Variants in NRG2 observed in about 807,000 individuals in gnomAD.
The protein encoded by NRG2 is neuregulin 2, also known as pro-neuregulin-2, membrane-bound isoform.
Under a neutral mutation model 73.9 loss-of-function variants are expected in NRG2, and 27 were observed. The ratio of observed to expected loss-of-function variants is 0.37; its 90% confidence interval spans 0.27 to 0.50. The LOEUF is 0.50. Ranked by LOEUF, NRG2 falls within the 20% of genes least tolerant of loss-of-function variation. The pLI is 0.96. For missense variants in NRG2, 1,126 were observed against 1,210.1 expected (o/e 0.93, Z 1.03); for synonymous variants, 532 against 541.0 (o/e 0.98, Z 0.23).
rs148224262 is a variant in NRG2, at chr5:139,855,713, C to T, written c.1255G>A (p.Val419Met). 2,228 of 1,614,080 alleles carry T rather than the reference C, an allele frequency of 1.4e-3. No homozygotes were observed. The highest frequency in any genetic ancestry group is 1.7e-3 in the Non-Finnish European group (2,018 of 1,179,980). The change falls in exon 6 of 10, where the codon GTG becomes ATG. Residue 419 changes from valine to methionine, a missense_variant. Physicochemically the swap from Val to Met is conservative, Grantham distance 21. Transcript: ENST00000361474. ...TAGGCCACCACACAGACGATGCCCA[C>T]GACCAGCAGAGCCACGCAGATGCCC... ...ITGICVALLV[V>M]GIVCVVAYCK...
At chr5:139,955,436 G>T (rs1754547509) in intron 1 of NRG2, among the ~76,000 whole-genome samples, 1 of 152,132 alleles carries the variant, frequency 6.6e-6, no homozygotes, top group Admixed American at 6.5e-5. Context: ...CTGTGGGGAG[G>T]AATAGTGAAA....
chr5:139,857,313 G>A (rs761414362), intron 5 of NRG2, among the ~76,000 whole-genome samples: 4 of 152,220 alleles, frequency 2.6e-5, no homozygotes, highest in Admixed American at 6.5e-5. Context: ...TTTGTATACC[G>A]TCTATTTGCA....
intron 1 of NRG2, among the ~76,000 whole-genome samples, chr5:139,913,191 A>T (rs923444038): frequency 1.3e-5 from 2 of 152,180 alleles, no homozygotes; most frequent in African/African-American, 4.8e-5. Flanking sequence ...GGCTGCAGGC[A>T]ACAGCATTTA....
intron 1 of NRG2, among the ~76,000 whole-genome samples, chr5:139,975,816 T>C (rs1163885745): frequency 6.6e-6 from 1 of 152,244 alleles, no homozygotes; most frequent in Non-Finnish European, 1.5e-5. Flanking sequence ...GGGCTGAACA[T>C]GCTTTTCAGC....
At chr5:139,970,208 T>C (rs890923899) in intron 1 of NRG2, among the ~76,000 whole-genome samples, 1 of 151,966 alleles carries the variant, frequency 6.6e-6, no homozygotes, top group Non-Finnish European at 1.5e-5. Context: ...AACACTGGAG[T>C]AAAACATCAA....
chr5:139,866,713 G>A (rs1219331281), intron 4 of NRG2, among the ~76,000 whole-genome samples: 1 of 152,120 alleles, frequency 6.6e-6, no homozygotes, highest in Non-Finnish European at 1.5e-5. Flanking sequence ...ATCTTGCCTT[G>A]CTTACAGCTC....
intron 1 of NRG2, among the ~76,000 whole-genome samples, chr5:139,963,326 A>G (rs1244606821): frequency 2.6e-5 from 4 of 152,198 alleles, no homozygotes; most frequent in Non-Finnish European, 4.4e-5. Flanking sequence ...CTCCTTATCT[A>G]TCCTGACACA....
intron 1 of NRG2, among the ~76,000 whole-genome samples, chr5:139,962,046 G>A (rs1755110815): frequency 1.3e-5 from 2 of 152,194 alleles, no homozygotes; most frequent in South Asian, 4.1e-4. Flanking sequence ...CGGGTGGCAG[G>A]AGGCACACAC....
intron 1 of NRG2, among the ~76,000 whole-genome samples, chr5:139,921,554 TA>T (rs34067035): frequency 1.0e-3 from 144 of 143,472 alleles, no homozygotes; most frequent in Admixed American, 7.0e-4. Context: ...CAGCTACCTG[TA>T]AAAAAAAAAA....
At chr5:139,941,081 T>C (rs188500898) in intron 1 of NRG2, among the ~76,000 whole-genome samples, 4 of 152,254 alleles carry the variant, frequency 2.6e-5, no homozygotes, top group Non-Finnish European at 5.9e-5. Context: ...AAATGTGAGA[T>C]TGGGCAACTG....
Position 139,882,198 on chromosome 5 carries a change from T to A in NRG2, c.873-1224A>T, listed in dbSNP as rs114452835. Among the ~76,000 whole-genome samples, 907 of 152,160 alleles carry A rather than the reference T, an allele frequency of 6.0e-3. 10 individuals carry two copies. The highest frequency in any genetic ancestry group is 0.021 in the African/African-American group (876 of 41,508). The stretch of plus-strand genomic sequence containing the variant: ...GCCCTGAGCCTAGGGGATGTAAAAC[T>A]GAGCTATGGAGCTGATGGGGTAAGG... On this transcript the variant is annotated intron_variant, in intron 2 of 9. Transcript: ENST00000361474.
chr5:139,863,036 C>T (rs1762253572), intron 5 of NRG2, among the ~76,000 whole-genome samples: 1 of 152,186 alleles, frequency 6.6e-6, no homozygotes, highest in Non-Finnish European at 1.5e-5. Context: ...CCCCGCATAC[C>T]AGTTGTAGCT....
chr5:139,969,595 C>T (rs140524763), intron 1 of NRG2, among the ~76,000 whole-genome samples: 5 of 152,340 alleles, frequency 3.3e-5, no homozygotes, highest in Non-Finnish European at 7.3e-5. Context: ...AGATGCCACA[C>T]CAGCTTATCC....
At chr5:139,965,081 C>G (rs960164372) in intron 1 of NRG2, among the ~76,000 whole-genome samples, 1 of 152,242 alleles carries the variant, frequency 6.6e-6, no homozygotes. Flanking sequence ...GGGCAAGAAC[C>G]CTACCACCAC....
chr5:139,921,999 A>C (rs1309277355), intron 1 of NRG2, among the ~76,000 whole-genome samples: 1 of 150,236 alleles, frequency 6.7e-6, no homozygotes, highest in African/African-American at 2.4e-5. Flanking sequence ...TGAGCCCAGA[A>C]GGTTGAGGCT....
At chr5:139,957,335 G>C (rs1754710324) in intron 1 of NRG2, among the ~76,000 whole-genome samples, 1 of 151,898 alleles carries the variant, frequency 6.6e-6, no homozygotes, top group Non-Finnish European at 1.5e-5. Context: ...GTGTGTGTGT[G>C]TGTGTGTGTG....
chr5:139,913,590 C>T lies in NRG2; in HGVS notation c.701-26079G>A, dbSNP rs890034653. On this transcript the variant is annotated intron_variant, in intron 1 of 9. Coordinates refer to ENST00000361474, the MANE Select transcript of NRG2 (RefSeq NM_004883.3). ...AGGGGTCCCTATGAGAGCCTTTGTG[C>T]CCTCTCCCCTGCTTTGCCCTCCCCT... Among the ~76,000 whole-genome samples the T allele has an allele frequency of 2.6e-5, 4 of 152,356 alleles. No homozygotes were observed. The South Asian group carries it at 6.2e-4, about 24-fold the overall frequency.
intron 1 of NRG2, among the ~76,000 whole-genome samples, chr5:139,938,892 GA>G (rs1281086900): frequency 1.4e-5 from 1 of 73,670 alleles, no homozygotes; most frequent in African/African-American, 6.8e-5. Context: ...AGGAAAGAAA[GA>G]AAGAAAGAAA....
At chr5:139,860,850 T>C (rs559923628) in intron 5 of NRG2, among the ~76,000 whole-genome samples, 3 of 152,272 alleles carry the variant, frequency 2.0e-5, no homozygotes, top group Non-Finnish European at 4.4e-5. Flanking sequence ...CCCTGAGTGA[T>C]TCCAATCTAG....
Sources: gnomAD v4.1 joint callset for allele counts (sites outside exome capture counted in the v4.1 genomes callset) on GRCh38, gnomAD v4.1.1 for gene constraint, MANE v1.5 for transcripts, NCBI Gene and HGNC (gene_info 2026-07-23, HGNC 2026-07-21) for gene names.